ANK2: variants seen among roughly 807,000 people sequenced by gnomAD.
The protein encoded by ANK2 is ankyrin-2.
A neutral mutation model predicts 360.5 loss-of-function variants in ANK2; 83 were observed. The observed-to-expected ratio is 0.23, with a 90% confidence interval of 0.19 to 0.28. ANK2 has a LOEUF of 0.28. Ranked by LOEUF, ANK2 falls within the 10% of genes least tolerant of loss-of-function variation. ANK2 has a pLI of 1.00. For synonymous variants in ANK2, 1,740 were observed against 1,759.5 expected (o/e 0.99, Z 0.28); for missense variants, 4,201 against 4,795.7 (o/e 0.88, Z 3.66).
intron 1 of ANK2, among the ~76,000 whole-genome samples, chr4:112,873,794 A>G (rs2074089442): frequency 6.6e-6 from 1 of 151,384 alleles, no homozygotes; most frequent in Non-Finnish European, 1.5e-5. Context: ...CGCCTGCCTC[A>G]GCCTCCCAAA....
intron 1 of ANK2, among the ~76,000 whole-genome samples, chr4:113,118,448 G>T (rs2154370019): frequency 6.6e-6 from 1 of 152,116 alleles, no homozygotes; most frequent in Middle Eastern, 3.4e-3. Flanking sequence ...CAATTTGGGG[G>T]ATGTTGTCTT....
chr4:112,950,649 G>GAAAAAAAAAAAA (rs55980674), intron 2 of ANK2, among the ~76,000 whole-genome samples: 1 of 118,778 alleles, frequency 8.4e-6, no homozygotes, highest in African/African-American at 3.0e-5. Flanking sequence ...GTCTCAAAAA[G>GAAAAAAAAAAAA]AAAAAAAAAA....
At chr4:112,871,015 A>C (rs1437285757) in intron 1 of ANK2, among the ~76,000 whole-genome samples, 1 of 152,156 alleles carries the variant, frequency 6.6e-6, no homozygotes, top group Non-Finnish European at 1.5e-5. Flanking sequence ...CCTAATTTAA[A>C]TATTTAATAA....
At chr4:112,941,254 TAAAAGATACAG>T (rs1044726807) in intron 2 of ANK2, among the ~76,000 whole-genome samples, 3 of 149,130 alleles carry the variant, frequency 2.0e-5, no homozygotes, top group African/African-American at 7.3e-5. Context: ...TATCTTTTCA[TAAAAGATACAG>T]AAAAGATATA....
intron 1 of ANK2, among the ~76,000 whole-genome samples, chr4:112,829,384 A>G (rs1328389406): frequency 6.6e-6 from 1 of 150,836 alleles, no homozygotes; most frequent in Non-Finnish European, 1.5e-5. Flanking sequence ...GGCCTAGTGC[A>G]GTGGCTCATG....
At chr4:112,745,292 T>G in the ANK2 span, among the ~76,000 whole-genome samples, 535 of 152,328 alleles carry the variant, frequency 3.5e-3, 3 homozygotes, top group Admixed American at 6.9e-3. Context: ...TTTATTTTCT[T>G]ACTTTTTAAT....
At chr4:113,072,122 C>A (rs969828037) in intron 1 of ANK2, among the ~76,000 whole-genome samples, 1 of 152,134 alleles carries the variant, frequency 6.6e-6, no homozygotes, top group Non-Finnish European at 1.5e-5. Context: ...GGGAGACAGC[C>A]AAACCATATC....
At chr4:113,136,650 G>C (rs2154381833) in intron 1 of ANK2, among the ~76,000 whole-genome samples, 1 of 152,136 alleles carries the variant, frequency 6.6e-6, no homozygotes, top group South Asian at 2.1e-4. Flanking sequence ...CTCCAGCTTG[G>C]GTGGCAGAGC....
In ANK2 at chr4:113,367,589, T is replaced by A. The variant is rs1444271452; in HGVS notation, c.11056T>A (p.Leu3686Ile). The change falls in exon 42 of 46, where the codon TTA becomes ATA. Residue 3686 changes from leucine (L) to isoleucine (I), a missense_variant. By Grantham distance (5) the Leu-to-Ile change is conservative. Coordinates refer to ENST00000357077, the MANE Select transcript of ANK2 (RefSeq NM_001148.6). Reference sequence around the variant, plus strand: ...AGGGTTCTCGGTACTTCAAGAGGAGTTATGCACTGCACAGCACAAGCAGAA... The same window carrying A: ...AGGGTTCTCGGTACTTCAAGAGGAGATATGCACTGCACAGCACAAGCAGAA... Reference protein sequence around the residue: ...SEGFSVLQEELCTAQHKQKEE... With the variant: ...SEGFSVLQEEICTAQHKQKEE... The A allele has an allele frequency of 1.9e-6, 3 of 1,613,720 alleles. No homozygotes were observed. Among genetic ancestry groups the A allele is most frequent in the Non-Finnish European group, 2.5e-6 (3 of 1,179,968 alleles).
At chr4:113,244,053 T>C (rs1447143201) in intron 9 of ANK2, among the ~76,000 whole-genome samples, 2 of 152,168 alleles carry the variant, frequency 1.3e-5, no homozygotes, top group Non-Finnish European at 2.9e-5. Context: ...TAACTCCAAA[T>C]AGACAGTGTA....
the ANK2 span, among the ~76,000 whole-genome samples, chr4:112,744,349 A>ATTTTT: frequency 7.1e-6 from 1 of 140,132 alleles, no homozygotes. Context: ...TTAGGATATG[A>ATTTTT]TTTTTTTTTT....
intron 4 of ANK2, among the ~76,000 whole-genome samples, chr4:113,220,992 C>T (rs2099144486): frequency 6.6e-6 from 1 of 152,122 alleles, no homozygotes; most frequent in African/African-American, 2.4e-5. Flanking sequence ...AAGGTGAACA[C>T]ACAAGAAACA....
intron 1 of ANK2, among the ~76,000 whole-genome samples, chr4:113,162,039 C>T (rs745603406): frequency 4.6e-5 from 7 of 152,110 alleles, no homozygotes; most frequent in South Asian, 2.1e-4. Flanking sequence ...AAGTTCAATC[C>T]GGTCAAAACC....
intron 2 of ANK2, among the ~76,000 whole-genome samples, chr4:112,912,310 C>G (rs996837175): frequency 2.6e-5 from 4 of 152,134 alleles, no homozygotes; most frequent in African/African-American, 4.8e-5. Flanking sequence ...TTATGTGAGC[C>G]AGTTGTTTCC....
In ANK2 at chr4:113,347,539, T is replaced by C. The variant is rs371480419; in HGVS notation, c.4372-737T>C. 2.6e-4 allele frequency among the ~76,000 whole-genome samples: 40 copies of C among 152,314 alleles called. No homozygotes were observed. In the East Asian group the frequency reaches 2.9e-3, roughly 11 times the overall value. On this transcript the variant is annotated intron_variant, in intron 35 of 45. Transcript: ENST00000357077. ...GCTCTAAGAGAAAGCATTAACTTCA[T>C]TATTACATTTTATTTCTAAGTCAAG...
chr4:113,232,836 G>A (rs1012495748), intron 5 of ANK2, among the ~76,000 whole-genome samples: 1 of 152,204 alleles, frequency 6.6e-6, no homozygotes, highest in Non-Finnish European at 1.5e-5. Flanking sequence ...GTGGGAGTGG[G>A]CAGGGACCCT....
In ANK2 at chr4:112,992,911, A is replaced by T. The variant is rs369855586; in HGVS notation, c.21+88397A>T. ...AAAATGTTGTATCTATAATTGCCAAACCTATTCAAATGTGTTATATCTGAA... is the reference window on the plus strand; with the variant it reads ...AAAATGTTGTATCTATAATTGCCAATCCTATTCAAATGTGTTATATCTGAA... On this transcript the variant is annotated intron_variant, in intron 2 of 30. Transcript: ENST00000503271. Among the ~76,000 whole-genome samples, 8 of 152,298 alleles carry T rather than the reference A, an allele frequency of 5.3e-5. No individual in the cohort carries two copies. The South Asian group carries it at 8.3e-4, about 16-fold the overall frequency.
chr4:112,923,173 C>T (rs2091922309), intron 2 of ANK2, among the ~76,000 whole-genome samples: 1 of 152,164 alleles, frequency 6.6e-6, no homozygotes. Flanking sequence ...CCACTCAACA[C>T]ATAGCACTAA....
intron 2 of ANK2, among the ~76,000 whole-genome samples, chr4:113,023,279 C>T (rs563423060): frequency 2.0e-5 from 3 of 152,316 alleles, no homozygotes; most frequent in Admixed American, 1.3e-4. Flanking sequence ...ATTAAGCCCT[C>T]ATTTCGTTTC....
Sources: gnomAD v4.1 joint callset for allele counts (sites outside exome capture counted in the v4.1 genomes callset) on GRCh38, gnomAD v4.1.1 for gene constraint, MANE v1.5 for transcripts, NCBI Gene and HGNC (gene_info 2026-07-23, HGNC 2026-07-21) for gene names.